CPLANE1: variants seen among roughly 807,000 people sequenced by gnomAD.
CPLANE1 encodes ciliogenesis and planar polarity effector 1.
In CPLANE1, 263 loss-of-function variants were observed where a neutral mutation model predicts 362.5. That is an observed-to-expected ratio of 0.73 (90% CI 0.66 to 0.80). The LOEUF (loss-of-function observed/expected upper bound fraction) is 0.80, where lower values mean the gene tolerates loss of function less well. Ranked by LOEUF, CPLANE1 falls within the 30% of genes least tolerant of loss-of-function variation. The pLI is 0.00. For missense variants in CPLANE1, 3,461 were observed against 3,793.4 expected, an observed-to-expected ratio of 0.91 and a Z score of 2.30; for synonymous variants, 1,212 against 1,302.6, an observed-to-expected ratio of 0.93 and a Z score of 1.50.
At chr5:37,186,672 A>T (rs1784074934) in intron 23 of CPLANE1, among the ~76,000 whole-genome samples, 1 of 152,168 alleles carries the variant, frequency 6.6e-6, no homozygotes, top group Non-Finnish European at 1.5e-5. Context: ...TGATTTCCAT[A>T]GTCGAATTAA....
the CPLANE1 span, among the ~76,000 whole-genome samples, chr5:37,086,110 C>T: frequency 1.3e-5 from 2 of 152,164 alleles, no homozygotes; most frequent in African/African-American, 2.4e-5. Context: ...TAGTGGGGGA[C>T]TTCAATACTC....
At chr5:37,178,343 C>T (rs1022538424) in intron 29 of CPLANE1, among the ~76,000 whole-genome samples, 37 of 151,712 alleles carry the variant, frequency 2.4e-4, no homozygotes, top group Non-Finnish European at 2.4e-4. Flanking sequence ...AGATAGGGCA[C>T]GGTGGCTCAC....
chr5:37,186,420 TTA>T, intron 23 of CPLANE1, 26 bp from the exon 24 acceptor site: 1 of 1,025,068 alleles, frequency 9.8e-7, no homozygotes, highest in East Asian at 2.4e-5. Flanking sequence ...TGTTTAAGTT[TTA>T]TGAGAAACAT....
intron 8 of CPLANE1, among the ~76,000 whole-genome samples, chr5:37,233,786 AC>A (rs1170192246): frequency 6.6e-6 from 1 of 152,044 alleles, no homozygotes; most frequent in African/African-American, 2.4e-5. Flanking sequence ...AGCCTTCAGG[AC>A]CCATCAATAC....
At chr5:37,222,945 A>G (rs1170805515) in intron 14 of CPLANE1, among the ~76,000 whole-genome samples, 3 of 152,182 alleles carry the variant, frequency 2.0e-5, no homozygotes, top group African/African-American at 7.2e-5. Flanking sequence ...TGATCTTTCT[A>G]AACAGCCTAT....
At chr5:37,140,743 G>A (rs1278308788) in intron 44 of CPLANE1, 22 of 985,304 alleles carry the variant, frequency 2.2e-5, no homozygotes, top group Non-Finnish European at 2.7e-5. Context: ...AGGTTGGTAA[G>A]TAACAAGTTG....
chr5:37,145,587 T>C (rs914595254), intron 43 of CPLANE1, among the ~76,000 whole-genome samples: 4 of 152,094 alleles, frequency 2.6e-5, no homozygotes, highest in Non-Finnish European at 2.9e-5. Flanking sequence ...TGCACCACCA[T>C]GTCCAAATTC....
At chr5:37,115,303 G>C (rs1407947128) in intron 50 of CPLANE1, among the ~76,000 whole-genome samples, 2 of 152,100 alleles carry the variant, frequency 1.3e-5, no homozygotes, top group African/African-American at 2.4e-5. Flanking sequence ...TTTTCAAATG[G>C]CAAATGTGTT....
At chr5:37,210,597 T>G (rs1308777800) in intron 16 of CPLANE1, 2 of 1,593,254 alleles carry the variant, frequency 1.3e-6, no homozygotes, top group Non-Finnish European at 1.7e-6. Flanking sequence ...TGAATTAGAG[T>G]CTGTCAAAGC....
At chr5:37,213,025 G>T (rs1448858402) in intron 16 of CPLANE1, among the ~76,000 whole-genome samples, 8 of 152,118 alleles carry the variant, frequency 5.3e-5, no homozygotes, top group Non-Finnish European at 1.2e-4. Context: ...CCTGACTAAC[G>T]TGGTGAAACC....
chr5:37,139,536 G>T, intron 44 of CPLANE1, 166 bp from the exon 45 acceptor site: 1 of 1,140,848 alleles, frequency 8.8e-7, no homozygotes, highest in Non-Finnish European at 1.1e-6. Context: ...TCCTGAATAT[G>T]CTATCTGATA....
intron 21 of CPLANE1, 62 bp downstream of exon 21, chr5:37,195,796 C>T (rs1787234171): frequency 2.0e-6 from 3 of 1,531,240 alleles, no homozygotes; most frequent in South Asian, 1.3e-5. Flanking sequence ...AATACTTTCC[C>T]AAATCAAATG....
At chr5:37,202,185 C>A (rs1337623220) in intron 18 of CPLANE1, among the ~76,000 whole-genome samples, 2 of 148,972 alleles carry the variant, frequency 1.3e-5, no homozygotes, top group African/African-American at 5.0e-5. Context: ...GATGGAGTCT[C>A]ACTCTGTCAC....
At chr5:37,223,012 T>C (rs1795688435) in intron 14 of CPLANE1, among the ~76,000 whole-genome samples, 1 of 152,212 alleles carries the variant, frequency 6.6e-6, no homozygotes, top group South Asian at 2.1e-4. Flanking sequence ...TCCACTGTCT[T>C]CAAGATAAAA....
chr5:37,116,592 C>T (rs1761064685), intron 50 of CPLANE1, among the ~76,000 whole-genome samples: 1 of 147,796 alleles, frequency 6.8e-6, no homozygotes, highest in South Asian at 2.2e-4. Flanking sequence ...GCACTCCCTT[C>T]TGGGCGACAG....
chr5:37,169,707 T>C (rs1779220475), intron 33 of CPLANE1, 146 bp from the exon 34 acceptor site: 1 of 680,828 alleles, frequency 1.5e-6, no homozygotes, highest in African/African-American at 1.8e-5. Flanking sequence ...ACACGATGAC[T>C]ATTGAACTAC....
chr5:37,086,676 T>C, the CPLANE1 span, among the ~76,000 whole-genome samples: 1 of 152,186 alleles, frequency 6.6e-6, no homozygotes, highest in South Asian at 2.1e-4. Flanking sequence ...TAATGGTGTT[T>C]ACTTGAGACT....
At position 37,173,804 on chromosome 5, in the gene CPLANE1, G is replaced by A. The variant is rs1348795271; in HGVS notation, c.6122C>T (p.Ser2041Leu). 7.4e-6 allele frequency: 12 copies of A among 1,613,966 alleles called. No homozygotes were observed. Among genetic ancestry groups the A allele is most frequent in the Admixed American group, 6.7e-5 (4 of 59,994 alleles). ...NEFTAQLPDC[S>L]ESVRQMLQDE... Reference sequence around the variant, plus strand: ...TTGCAGCATCTGCCTAACGGACTCCGAACAATCTGGTAACTGAGCCGTGAA... The same window carrying A: ...TTGCAGCATCTGCCTAACGGACTCCAAACAATCTGGTAACTGAGCCGTGAA... Residue 2041 changes from serine to leucine, a missense_variant, in exon 32 of 53, where the codon TCG becomes TTG. By Grantham distance (145) the Ser-to-Leu change is moderately radical. Coordinates refer to ENST00000651892, the MANE Select transcript of CPLANE1 (RefSeq NM_001384732.1).
At chr5:37,245,346 T>G (rs561144902) in intron 4 of CPLANE1, 133 bp downstream of exon 4, 1 of 85,462 alleles carries the variant, frequency 1.2e-5, no homozygotes, top group African/African-American at 4.8e-5. Flanking sequence ...TATATATATA[T>G]ATATACACAC....
Sources: allele counts gnomAD v4.1 joint callset (sites outside exome capture counted in the v4.1 genomes callset), GRCh38; gene constraint gnomAD v4.1.1; transcripts MANE v1.5; gene names NCBI Gene and HGNC (gene_info 2026-07-23, HGNC 2026-07-21).